Variants in PARVB observed in about 807,000 individuals in gnomAD.
PARVB encodes parvin beta.
In PARVB, 46 loss-of-function variants were observed where a neutral mutation model predicts 47.0. The observed-to-expected ratio is 0.98, with a 90% CI of 0.77 to 1.25. The LOEUF is 1.25. Ranked by LOEUF, PARVB falls within the 50% of genes most tolerant of loss-of-function variation. The probability of loss-of-function intolerance (pLI) is 0.00; values close to 1 mark genes in which losing one functional copy is unlikely to be tolerated. For synonymous variants in PARVB, 196 were observed against 196.3 expected (o/e 1.00, Z 0.01); for missense variants, 473 against 471.6 (o/e 1.00, Z -0.03).
rs962671116 is a variant in PARVB, at chr22:44,058,359, C to T, written c.112+33908C>T. On this transcript the variant is annotated intron_variant, in intron 1 of 12. Transcript: ENST00000338758. ...AGCCTCCATTGTCACAGGTGTCCCC[C>T]TTCATGCCCCTCTGTGTCTTCCTAT... 3.3e-5 allele frequency among the ~76,000 whole-genome samples: 5 copies of T among 152,214 alleles called. No individual in the cohort carries two copies. In the South Asian group the frequency reaches 8.3e-4, roughly 25 times the overall value.
intron 2 of PARVB, among the ~76,000 whole-genome samples, chr22:44,018,578 C>T (rs547899002): frequency 3.3e-4 from 51 of 152,324 alleles, no homozygotes; most frequent in African/African-American, 1.1e-3. Context: ...TCCAAATGTT[C>T]ATTCCTCTTT....
At chr22:44,096,120 G>T (rs1017555791) in intron 2 of PARVB, among the ~76,000 whole-genome samples, 17 of 152,248 alleles carry the variant, frequency 1.1e-4, no homozygotes, top group Admixed American at 2.0e-4. Context: ...CGCTACCTGG[G>T]AGGCTAAGTC....
At chr22:44,099,152 G>C (rs1170529027) in intron 2 of PARVB, among the ~76,000 whole-genome samples, 1 of 152,188 alleles carries the variant, frequency 6.6e-6, no homozygotes, top group East Asian at 1.9e-4. Context: ...TAAGAGAGAG[G>C]TGTGGTATAG....
At chr22:44,022,771 G>C (rs1165164480), upstream of PARVB, among the ~76,000 whole-genome samples, 1 of 150,656 alleles carries the variant, frequency 6.6e-6, no homozygotes, top group African/African-American at 2.4e-5. Context: ...TTTGGAGACA[G>C]AGTCTCGCTC....
rs563777769 is a variant in PARVB, at chr22:44,049,375, C to T, written c.112+24924C>T. ...CTCACTTCAGGCCCTAGACAAGAAT[C>T]GGAGGTCCGTTTCTCAAGTTTAGCT... On this transcript the variant is annotated intron_variant, in intron 1 of 12. Coordinates refer to ENST00000338758, the MANE Select transcript of PARVB (RefSeq NM_013327.5). This position sits in a 1 kb window ranked among gnomAD's most constrained non-coding sequence, Gnocchi z 4.0. Among the ~76,000 whole-genome samples the T allele has an allele frequency of 6.6e-6, 1 of 152,302 alleles. No homozygotes were observed. Among genetic ancestry groups the T allele is most frequent in the East Asian group, 1.9e-4 (1 of 5,182 alleles).
chr22:44,020,267 C>G (rs1190353697), upstream of PARVB, among the ~76,000 whole-genome samples: 1 of 151,848 alleles, frequency 6.6e-6, no homozygotes, highest in South Asian at 2.1e-4. Flanking sequence ...ACCTCGACCT[C>G]CTGGGCTCAA....
chr22:44,054,663 T>G (rs2051270871), intron 1 of PARVB, among the ~76,000 whole-genome samples: 1 of 152,140 alleles, frequency 6.6e-6, no homozygotes, highest in Non-Finnish European at 1.5e-5. Flanking sequence ...CAGCAGTGAA[T>G]GTCCTTAGTG....
At chr22:44,121,839 C>G (rs6006490) in intron 4 of PARVB, among the ~76,000 whole-genome samples, 3 of 152,302 alleles carry the variant, frequency 2.0e-5, no homozygotes, top group African/African-American at 7.2e-5. Flanking sequence ...CAGGGAGAAC[C>G]TTGGTTCCAG....
chr22:44,086,251 C>T (rs928518800), intron 1 of PARVB, among the ~76,000 whole-genome samples: 3 of 152,260 alleles, frequency 2.0e-5, no homozygotes, highest in Admixed American at 2.0e-4. Flanking sequence ...CAAAAACAAA[C>T]TACATCTGCC....
chr22:44,117,022 A>G (rs1234914790), intron 3 of PARVB, among the ~76,000 whole-genome samples: 2 of 152,152 alleles, frequency 1.3e-5, no homozygotes, highest in Non-Finnish European at 2.9e-5. Flanking sequence ...GATCTGAGAC[A>G]GGAGGATGGT....
At chr22:44,088,497 AGTCTCGCT>A (rs2147028316) in intron 1 of PARVB, among the ~76,000 whole-genome samples, 1 of 152,260 alleles carries the variant, frequency 6.6e-6, no homozygotes, top group South Asian at 2.1e-4. Context: ...AGACAGACGG[AGTCTCGCT>A]GTGTTGCCCA....
At chr22:44,003,961 C>CA (rs2050438169) in intron 2 of PARVB, among the ~76,000 whole-genome samples, 1 of 152,200 alleles carries the variant, frequency 6.6e-6, no homozygotes, top group Admixed American at 6.5e-5. Flanking sequence ...CAGGGCTGGC[C>CA]ACTCCCCTTC....
chr22:44,055,417 C>G (rs1305794145), intron 1 of PARVB, among the ~76,000 whole-genome samples: 3 of 149,398 alleles, frequency 2.0e-5, no homozygotes, highest in Non-Finnish European at 3.0e-5. Context: ...TCAGTGCAAC[C>G]TCTGACTCCC....
At chr22:44,165,381 T>C (rs540791058) in intron 12 of PARVB, among the ~76,000 whole-genome samples, 1 of 152,196 alleles carries the variant, frequency 6.6e-6, no homozygotes, top group South Asian at 2.1e-4. Context: ...GCCTGGAAAC[T>C]GCTCGACAGC....
At position 44,155,104 on chromosome 22, in the gene PARVB, T is replaced by C. The variant is rs1018354732; in HGVS notation, c.844-2878T>C. Reference sequence around the variant, plus strand: ...GTGTGTGTGGTGTAGGTGTGTGTTTTCCCTCCTTTTCCAAACCATTCTTAC... The same window carrying C: ...GTGTGTGTGGTGTAGGTGTGTGTTTCCCCTCCTTTTCCAAACCATTCTTAC... On this transcript the variant is annotated intron_variant, in intron 10 of 12. Coordinates refer to ENST00000338758, the MANE Select transcript of PARVB (RefSeq NM_013327.5). This position sits in a 1 kb window ranked among gnomAD's most constrained non-coding sequence, Gnocchi z 4.8. Among the ~76,000 whole-genome samples, 8 of 151,892 alleles carry C rather than the reference T, an allele frequency of 5.3e-5. No homozygotes were observed. The highest frequency in any genetic ancestry group is 1.2e-4 in the Non-Finnish European group (8 of 67,982).
intron 11 of PARVB, chr22:44,162,651 C>T (rs1263276694): frequency 6.6e-6 from 1 of 152,300 alleles, no homozygotes; most frequent in Admixed American, 6.5e-5. Flanking sequence ...GCCCTGAAGT[C>T]CCTTGCACTG....
At chr22:44,164,807 G>A (rs2054131291) in intron 12 of PARVB, among the ~76,000 whole-genome samples, 1 of 152,148 alleles carries the variant, frequency 6.6e-6, no homozygotes, top group African/African-American at 2.4e-5. Flanking sequence ...TCCGCTCAAC[G>A]GCGGGCTTTG....
chr22:44,087,891 A>G (rs2052067684), intron 1 of PARVB, among the ~76,000 whole-genome samples: 1 of 128,668 alleles, frequency 7.8e-6, no homozygotes, highest in Non-Finnish European at 1.6e-5. Flanking sequence ...AACCTTGCCC[A>G]ATCTTTGGGT....
chr22:44,089,577 T>C lies in PARVB; in HGVS notation c.113-4351T>C, dbSNP rs2052114316. 1 of 149,818 alleles carries C rather than the reference T, an allele frequency of 6.7e-6. No individual in the cohort carries two copies. Among genetic ancestry groups the C allele is most frequent in the Non-Finnish European group, 1.5e-5 (1 of 67,698 alleles). 9.3% of individuals were successfully genotyped at this position (149,818 alleles called of 1,614,324 possible). On this transcript the variant is annotated intron_variant, in intron 1 of 12. Transcript: ENST00000338758. This position sits in a 1 kb window ranked among gnomAD's most constrained non-coding sequence, Gnocchi z 4.0. ...TTTAAAAACCAAAACATTCCTGGGA[T>C]TCACTGAAAGCCAGTAAACTGGCAC...
Sources: allele counts gnomAD v4.1 joint callset (sites outside exome capture counted in the v4.1 genomes callset), GRCh38; gene constraint gnomAD v4.1.1; non-coding constraint Gnocchi (gnomAD v3.1); transcripts MANE v1.5; gene names NCBI Gene and HGNC (gene_info 2026-07-23, HGNC 2026-07-21).